PLEKHA5: variants seen among roughly 807,000 people sequenced by gnomAD.
PLEKHA5 encodes the protein pleckstrin homology domain containing A5.
PLEKHA5 carries 55 observed loss-of-function variants against 181.9 expected under a neutral mutation model. The ratio of observed to expected loss-of-function variants is 0.30; its 90% CI spans 0.24 to 0.38. PLEKHA5 has a LOEUF of 0.38. Ranked by LOEUF, PLEKHA5 falls within the 10% of genes least tolerant of loss-of-function variation. The pLI is 1.00. For missense variants in PLEKHA5, 1,432 were observed against 1,549.5 expected, an observed-to-expected ratio of 0.92 and a Z score of 1.27; for synonymous variants, 535 against 529.4, an observed-to-expected ratio of 1.01 and a Z score of -0.15.
At chr12:19,273,843 C>T (rs976057238) in intron 10 of PLEKHA5, among the ~76,000 whole-genome samples, 1 of 152,170 alleles carries the variant, frequency 6.6e-6, no homozygotes, top group Non-Finnish European at 1.5e-5. Context: ...TCATCTGATT[C>T]TCACAAGAAC....
intron 15 of PLEKHA5, among the ~76,000 whole-genome samples, chr12:19,300,619 G>C (rs907385743): frequency 6.6e-6 from 1 of 152,114 alleles, no homozygotes; most frequent in African/African-American, 2.4e-5. Flanking sequence ...CCACAATGTA[G>C]AATTCTTGTT....
At chr12:19,366,577 C>T (rs1176461700) in intron 30 of PLEKHA5, among the ~76,000 whole-genome samples, 1 of 152,056 alleles carries the variant, frequency 6.6e-6, no homozygotes, top group African/African-American at 2.4e-5. Flanking sequence ...TGCTTGAACC[C>T]CAGAGGCGGA....
At chr12:19,333,025 A>G (rs2093001095) in intron 20 of PLEKHA5, among the ~76,000 whole-genome samples, 1 of 152,290 alleles carries the variant, frequency 6.6e-6, no homozygotes, top group African/African-American at 2.4e-5. Flanking sequence ...GTTCATCCAT[A>G]TAGTTCCAGA....
intron 3 of PLEKHA5, among the ~76,000 whole-genome samples, chr12:19,160,902 A>G (rs1014340891): frequency 2.0e-5 from 3 of 152,156 alleles, no homozygotes; most frequent in South Asian, 2.1e-4. Context: ...TTTATGGATA[A>G]ACATGGAAAT....
At chr12:19,198,419 T>C (rs2053443952) in intron 3 of PLEKHA5, among the ~76,000 whole-genome samples, 1 of 152,212 alleles carries the variant, frequency 6.6e-6, no homozygotes, top group Admixed American at 6.5e-5. Context: ...AAGTCAGTGC[T>C]TAACTGTTGG....
intron 3 of PLEKHA5, among the ~76,000 whole-genome samples, chr12:19,227,200 A>C (rs2059818768): frequency 6.6e-6 from 1 of 151,826 alleles, no homozygotes; most frequent in Admixed American, 6.6e-5. Flanking sequence ...GTGATAGACC[A>C]TTCTTGGTGC....
At position 19,208,322 on chromosome 12, in the gene PLEKHA5, G is replaced by A. The variant is rs371034761; in HGVS notation, c.228-45618G>A. Among the ~76,000 whole-genome samples, 6 of 151,832 alleles carry A rather than the reference G, an allele frequency of 4.0e-5. No individual in the cohort carries two copies. In the East Asian group the frequency reaches 7.8e-4, roughly 20 times the overall value. ...ACTCAGGAGGCTGAGGAGGAGAATC[G>A]CTTGAACCCAGGAGTCGGAGGTTGC... On this transcript the variant is annotated intron_variant, in intron 3 of 31. Transcript: ENST00000429027.
chr12:19,357,306 A>G (rs2153228845), intron 26 of PLEKHA5, among the ~76,000 whole-genome samples: 2 of 141,728 alleles, frequency 1.4e-5, no homozygotes, highest in Middle Eastern at 3.7e-3. Context: ...CCAGGTTGGC[A>G]CAATCTCAGT....
chr12:19,256,317 T>G (rs191319462), intron 5 of PLEKHA5, among the ~76,000 whole-genome samples: 21 of 152,276 alleles, frequency 1.4e-4, no homozygotes, highest in African/African-American at 4.6e-4. Flanking sequence ...GTTTATATAG[T>G]GAGCTCCAAG....
chr12:19,252,907 A>G (rs2065727766), intron 3 of PLEKHA5, among the ~76,000 whole-genome samples: 1 of 151,866 alleles, frequency 6.6e-6, no homozygotes. Flanking sequence ...TGAATTTGGC[A>G]TTAGTACTCT....
chr12:19,254,550 G>A lies in PLEKHA5; in HGVS notation c.312-495G>A, dbSNP rs185216753. 2.5e-3 allele frequency among the ~76,000 whole-genome samples: 383 copies of A among 152,332 alleles called. 1 individual carries two copies. The highest frequency in any genetic ancestry group is 8.8e-3 in the African/African-American group (365 of 41,590). ...AAATAAACATGATAGGCCGGGCACA[G>A]TGGCTCACGCCTGTAATCCTAGCAC... On this transcript the variant is annotated intron_variant, in intron 4 of 31. Transcript: ENST00000429027.
chr12:19,337,054 C>G (rs551638485), intron 21 of PLEKHA5, among the ~76,000 whole-genome samples: 3 of 131,500 alleles, frequency 2.3e-5, no homozygotes, highest in Admixed American at 8.9e-5. Context: ...ATGGCGCGAT[C>G]TTGGCTCACC....
Position 19,255,033 on chromosome 12 carries a change from A to G in PLEKHA5, c.312-12A>G. ...ACACAGCAAGTTCTAGCATTTTGAC[A>G]TATATTTTCAGGACTGTTGCAACCA... On this transcript the variant is annotated splice_polypyrimidine_tract_variant and intron_variant, in intron 4 of 31. Coordinates refer to ENST00000429027, the MANE Select transcript of PLEKHA5 (RefSeq NM_001256470.2). 1.9e-6 allele frequency: 3 copies of G among 1,597,144 alleles called. No individual in the cohort carries two copies. Among genetic ancestry groups the G allele is most frequent in the African/African-American group, 1.3e-5 (1 of 74,736 alleles).
chr12:19,365,724 G>A (rs369910485), intron 29 of PLEKHA5, among the ~76,000 whole-genome samples: 16 of 152,234 alleles, frequency 1.1e-4, no homozygotes, highest in African/African-American at 3.8e-4. Context: ...GGTTTAGGGA[G>A]CAAGGATTTT....
intron 3 of PLEKHA5, among the ~76,000 whole-genome samples, chr12:19,231,699 G>A (rs1565495330): frequency 6.6e-6 from 1 of 150,680 alleles, no homozygotes; most frequent in African/African-American, 2.4e-5. Context: ...AATTTATCAT[G>A]CTAGAATTTG....
At chr12:19,318,166 T>C (rs112595203) in intron 16 of PLEKHA5, among the ~76,000 whole-genome samples, 2 of 152,136 alleles carry the variant, frequency 1.3e-5, no homozygotes, top group African/African-American at 4.8e-5. Context: ...GCTTTTATTC[T>C]GTCATAAAAG....
intron 8 of PLEKHA5, among the ~76,000 whole-genome samples, chr12:19,267,504 A>C (rs1194749610): frequency 2.6e-5 from 4 of 151,972 alleles, no homozygotes; most frequent in African/African-American, 9.7e-5. Flanking sequence ...TACTAAAAAT[A>C]CAAAAATTAA....
intron 21 of PLEKHA5, among the ~76,000 whole-genome samples, chr12:19,337,548 C>CAAAAAA (rs1157232818): frequency 4.9e-5 from 3 of 61,716 alleles, no homozygotes; most frequent in Non-Finnish European, 3.4e-5. Flanking sequence ...GACTCTATCT[C>CAAAAAA]AAAAAAAAAA....
intron 3 of PLEKHA5, among the ~76,000 whole-genome samples, chr12:19,177,369 G>A (rs370667707): frequency 4.6e-5 from 7 of 152,258 alleles, no homozygotes; most frequent in South Asian, 2.1e-4. Context: ...TACCAGACAC[G>A]TGGTAGAAAC....
Sources: gnomAD v4.1 joint callset for allele counts (sites outside exome capture counted in the v4.1 genomes callset) on GRCh38, gnomAD v4.1.1 for gene constraint, MANE v1.5 for transcripts, NCBI Gene and HGNC (gene_info 2026-07-23, HGNC 2026-07-21) for gene names.